CYTH3: variants seen among roughly 807,000 people sequenced by gnomAD.
CYTH3 encodes the protein cytohesin-3.
CYTH3 carries 23 observed loss-of-function variants against 55.1 expected under a neutral mutation model. The observed-to-expected ratio is 0.42, with a 90% confidence interval of 0.30 to 0.59. The LOEUF (loss-of-function observed/expected upper bound fraction) is 0.59, where lower values mean the gene tolerates loss of function less well. Ranked by LOEUF, CYTH3 falls within the 20% of genes least tolerant of loss-of-function variation. CYTH3 has a pLI of 0.20. For synonymous variants in CYTH3, 249 were observed against 194.9 expected, an observed-to-expected ratio of 1.28 and a Z score of -2.31; for missense variants, 413 against 524.8, an observed-to-expected ratio of 0.79 and a Z score of 2.08.
intron 5 of CYTH3, 65 bp downstream of exon 5, chr7:6,177,758 G>T: frequency 7.9e-7 from 1 of 1,271,584 alleles, no homozygotes; most frequent in Non-Finnish European, 1.1e-6. Flanking sequence ...AGTGGAGCGT[G>T]AGCCTAGGTC....
intron 1 of CYTH3, among the ~76,000 whole-genome samples, chr7:6,239,551 G>A (rs1779618629): frequency 6.6e-6 from 1 of 152,022 alleles, no homozygotes; most frequent in South Asian, 2.1e-4. Context: ...AAAATCAGAA[G>A]AAAAATTAGA....
intron 1 of CYTH3, among the ~76,000 whole-genome samples, chr7:6,270,426 G>A (rs959583816): frequency 6.6e-6 from 1 of 152,200 alleles, no homozygotes; most frequent in Non-Finnish European, 1.5e-5. Context: ...ATGTTCCAGT[G>A]AGATGAATTA....
intron 10 of CYTH3, 54 bp from the exon 11 acceptor site, chr7:6,165,670 C>A (rs1782978345): frequency 1.2e-6 from 2 of 1,613,046 alleles, no homozygotes; most frequent in East Asian, 2.2e-5. Flanking sequence ...GCCTGAGGGT[C>A]CCTCGGCCCC....
At chr7:6,271,841 T>C (rs943793264) in intron 1 of CYTH3, among the ~76,000 whole-genome samples, 1 of 152,052 alleles carries the variant, frequency 6.6e-6, no homozygotes, top group African/African-American at 2.4e-5. Flanking sequence ...ACGGAGTTTT[T>C]TGCTCAATCT....
chr7:6,185,717 T>A (rs1262247776), intron 4 of CYTH3, among the ~76,000 whole-genome samples: 4 of 148,672 alleles, frequency 2.7e-5, no homozygotes, highest in South Asian at 2.2e-4. Context: ...AAAAAAAAAA[T>A]TATCTGGGTG....
At chr7:6,215,062 T>C (rs577837252) in intron 1 of CYTH3, among the ~76,000 whole-genome samples, 47 of 152,302 alleles carry the variant, frequency 3.1e-4, no homozygotes, top group Non-Finnish European at 6.0e-4. Flanking sequence ...TAGGATGCCC[T>C]CTCTTCCTCT....
At chr7:6,272,409 C>CGGGGGGGGGGGGCCG in intron 1 of CYTH3, 65 bp downstream of exon 1, 2 of 1,212,390 alleles carry the variant, frequency 1.6e-6, no homozygotes, top group Non-Finnish European at 2.1e-6. Context: ...GCCGCGCCCT[C>CGGGGGGGGGGGGCCG]GACCCCCAGC....
intron 2 of CYTH3, among the ~76,000 whole-genome samples, chr7:6,189,792 T>G (rs909115288): frequency 6.6e-6 from 1 of 152,004 alleles, no homozygotes; most frequent in Non-Finnish European, 1.5e-5. Context: ...ATCCCAGCAC[T>G]TTGGGAGGCT....
chr7:6,198,706 G>T (rs1480399682), intron 1 of CYTH3, among the ~76,000 whole-genome samples: 1 of 151,654 alleles, frequency 6.6e-6, no homozygotes, highest in African/African-American at 2.4e-5. Context: ...TATGGATATG[G>T]TTACACATAC....
chr7:6,233,675 A>T lies in CYTH3; in HGVS notation c.34+38799T>A, dbSNP rs866901012. 7.2e-3 allele frequency among the ~76,000 whole-genome samples: 1,094 copies of T among 151,006 alleles called. 12 individuals carry two copies. The highest frequency in any genetic ancestry group is 0.026 in the African/African-American group (1,049 of 40,926). On this transcript the variant is annotated intron_variant, in intron 1 of 12. Coordinates refer to ENST00000350796, the MANE Select transcript of CYTH3 (RefSeq NM_004227.4). ...CATCTCAAAAAAAAAAAAAAAAAAAATTCAGTAAATGTGTCTCTTCATCTC... is the reference window on the plus strand; with the variant it reads ...CATCTCAAAAAAAAAAAAAAAAAAATTTCAGTAAATGTGTCTCTTCATCTC...
chr7:6,224,903 T>A (rs1003024298), intron 1 of CYTH3, among the ~76,000 whole-genome samples: 2 of 152,318 alleles, frequency 1.3e-5, no homozygotes, highest in African/African-American at 2.4e-5. Flanking sequence ...ATAACATACA[T>A]GAAACCTGAA....
At chr7:6,172,715 C>T (rs1783233345) in intron 6 of CYTH3, 2 of 1,135,582 alleles carry the variant, frequency 1.8e-6, no homozygotes, top group East Asian at 8.0e-5. Context: ...GCACCAGACA[C>T]CCCTCCCAGA....
At chr7:6,214,835 T>C (rs931678253) in intron 1 of CYTH3, among the ~76,000 whole-genome samples, 8 of 152,196 alleles carry the variant, frequency 5.3e-5, no homozygotes, top group Non-Finnish European at 7.3e-5. Flanking sequence ...AAAGCGAATA[T>C]TCGCTCTGTG....
intron 2 of CYTH3, 140 bp downstream of exon 2, chr7:6,190,309 C>T (rs908580154): frequency 4.9e-6 from 4 of 820,976 alleles, no homozygotes; most frequent in Non-Finnish European, 7.3e-6. Context: ...TATGCACACA[C>T]TAAACATCTT....
At chr7:6,244,464 G>A (rs181341135) in intron 1 of CYTH3, among the ~76,000 whole-genome samples, 8 of 152,276 alleles carry the variant, frequency 5.3e-5, no homozygotes, top group Admixed American at 2.6e-4. Context: ...CAAAATGTCC[G>A]AAAAATTATT....
intron 1 of CYTH3, among the ~76,000 whole-genome samples, chr7:6,218,892 C>G (rs931005380): frequency 1.3e-5 from 2 of 151,356 alleles, no homozygotes; most frequent in African/African-American, 4.9e-5. Flanking sequence ...GTAGTCCCAG[C>G]TACTTGGGAG....
rs1583728249 is a variant in CYTH3, at chr7:6,167,533, C to A, written c.824-1723G>T. ...GCTGCACTGGTGCCAGCTGCCATCCCCCAAACAGCGGCCAAAGGCATCTTT... is the reference window on the plus strand; with the variant it reads ...GCTGCACTGGTGCCAGCTGCCATCCACCAAACAGCGGCCAAAGGCATCTTT... On this transcript the variant is annotated intron_variant, in intron 9 of 12. Transcript: ENST00000350796. This position sits in a 1 kb window ranked among gnomAD's most constrained non-coding sequence, Gnocchi z 5.5. Among the ~76,000 whole-genome samples, 2 of 152,264 alleles carry A rather than the reference C, an allele frequency of 1.3e-5. No homozygotes were observed. Among genetic ancestry groups the A allele is most frequent in the African/African-American group, 4.8e-5 (2 of 41,472 alleles).
At position 6,221,863 on chromosome 7, in the gene CYTH3, G is replaced by C. The variant is rs563309802; in HGVS notation, c.35-31332C>G. On this transcript the variant is annotated intron_variant, in intron 1 of 12. Coordinates refer to ENST00000350796, the MANE Select transcript of CYTH3 (RefSeq NM_004227.4). ...GCTACTGGGAAGGCTGAAGTGGGAG[G>C]ATCATTTGAAGCCTAGAATCCGAGG... Among the ~76,000 whole-genome samples the C allele has an allele frequency of 2.0e-5, 3 of 152,210 alleles. No individual in the cohort carries two copies. In the East Asian group the frequency reaches 5.8e-4, roughly 29 times the overall value.
chr7:6,217,475 G>C (rs1784453390), intron 1 of CYTH3, among the ~76,000 whole-genome samples: 1 of 152,152 alleles, frequency 6.6e-6, no homozygotes, highest in Non-Finnish European at 1.5e-5. Flanking sequence ...AAAACTACCA[G>C]AGACAGATAC....
Sources: allele counts gnomAD v4.1 joint callset (sites outside exome capture counted in the v4.1 genomes callset), GRCh38; gene constraint gnomAD v4.1.1; non-coding constraint Gnocchi (gnomAD v3.1); transcripts MANE v1.5; gene names NCBI Gene and HGNC (gene_info 2026-07-23, HGNC 2026-07-21).